Variants in LAMB1 observed in about 807,000 individuals in gnomAD.
The protein encoded by LAMB1 is laminin subunit beta-1.
Under a neutral mutation model 222.3 loss-of-function variants are expected in LAMB1, and 121 were observed. That is an observed-to-expected ratio of 0.54 (90% CI 0.47 to 0.63). The LOEUF is 0.63. Ranked by LOEUF, LAMB1 falls within the 30% of genes least tolerant of loss-of-function variation. The pLI is 0.00. For synonymous variants in LAMB1, 794 were observed against 807.2 expected (o/e 0.98, Z 0.28); for missense variants, 2,172 against 2,240.8 (o/e 0.97, Z 0.62).
At chr7:107,986,592 TAAGTA>T (rs2034083011) in intron 5 of LAMB1, among the ~76,000 whole-genome samples, 1 of 152,216 alleles carries the variant, frequency 6.6e-6, no homozygotes, top group Non-Finnish European at 1.5e-5. Flanking sequence ...CCCTACTGGA[TAAGTA>T]AACTGTTTCT....
rs1281617634 is a variant in LAMB1, at chr7:107,952,215, A to G, written c.3088T>C (p.Cys1030Arg). 1 of 1,598,602 alleles carries G rather than the reference A, an allele frequency of 6.3e-7. No individual in the cohort carries two copies. The change falls in exon 23 of 34, where the codon TGT becomes CGT. Residue 1030 changes from cysteine (C) to arginine (R), a missense_variant. By Grantham distance (180) the Cys-to-Arg change is radical. Coordinates refer to ENST00000222399, the MANE Select transcript of LAMB1 (RefSeq NM_002291.3). ...ALQQDCRKCV[C>R]NYLGTVQEHC... ...TCTTGCACGGTGCCCAGGTAATTAC[A>G]GACACACTCTGCAAAAGAACATCAC...
chr7:107,968,735 C>T (rs374884217), intron 13 of LAMB1, among the ~76,000 whole-genome samples: 2 of 152,154 alleles, frequency 1.3e-5, no homozygotes, highest in East Asian at 3.8e-4. Context: ...CCTCAGCCTA[C>T]GACTGCAAGG....
In LAMB1 at chr7:107,965,562, A is replaced by G. The variant is rs559351276; in HGVS notation, c.1563-875T>C. ...CCATTGCACTCCAGCCTGGGCAACA[A>G]GAGTGAAACTTCTGTTCTCAGCTTA... is the stretch of plus-strand genomic sequence containing the variant. On this transcript the variant is annotated intron_variant, in intron 13 of 33. Coordinates refer to ENST00000222399, the MANE Select transcript of LAMB1 (RefSeq NM_002291.3). Among the ~76,000 whole-genome samples the G allele has an allele frequency of 5.3e-5, 8 of 151,250 alleles. No individual in the cohort carries two copies. In the South Asian group the frequency reaches 1.7e-3, roughly 32 times the overall value.
chr7:107,995,833 C>T (rs12705438), intron 4 of LAMB1, among the ~76,000 whole-genome samples: 9 of 151,892 alleles, frequency 5.9e-5, no homozygotes, highest in Non-Finnish European at 1.3e-4. Flanking sequence ...GTCTTAAATG[C>T]GGAAAGACAG....
chr7:107,931,612 A>G (rs769939114), intron 28 of LAMB1, 112 bp from the exon 29 acceptor site: 5 of 1,016,106 alleles, frequency 4.9e-6, no homozygotes, highest in Non-Finnish European at 7.4e-6. Context: ...TTGGAATCAT[A>G]TGTCTGGGAA....
chr7:107,993,442 T>C (rs2034223833), intron 5 of LAMB1, among the ~76,000 whole-genome samples: 1 of 152,164 alleles, frequency 6.6e-6, no homozygotes, highest in Admixed American at 6.5e-5. Context: ...CCCCAACTTG[T>C]AGCCATTCTG....
At position 108,003,151 on chromosome 7, in the gene LAMB1, G is replaced by T. The variant is rs560457984; in HGVS notation, c.-127C>A. 2.7e-5 allele frequency: 16 copies of T among 597,810 alleles called. No individual in the cohort carries two copies. The highest frequency in any genetic ancestry group is 2.6e-4 in the African/African-American group (14 of 52,904). The allele number at this position is 597,810 out of a possible 1,614,324, so 37.0% of individuals were successfully genotyped here. A position where few individuals can be genotyped will look rare whatever the true frequency, so the allele number is the denominator to read the frequency against. ...CTCGCCCTGCTCCGGGAGCCCCCGA[G>T]CCCAAAGAAGGGAATTAGAAAGTTT... On this transcript the variant is annotated 5_prime_UTR_variant, in exon 1 of 34. Coordinates refer to ENST00000222399, the MANE Select transcript of LAMB1 (RefSeq NM_002291.3).
At chr7:107,926,558 C>T (rs2032572178) in intron 31 of LAMB1, among the ~76,000 whole-genome samples, 199 bp from the exon 32 acceptor site, 1 of 152,104 alleles carries the variant, frequency 6.6e-6, no homozygotes, top group Non-Finnish European at 1.5e-5. Flanking sequence ...ATATTCACTT[C>T]ATTCTTTCAG....
intron 7 of LAMB1, among the ~76,000 whole-genome samples, chr7:107,981,549 A>C (rs2033974799): frequency 6.6e-6 from 1 of 152,120 alleles, no homozygotes; most frequent in South Asian, 2.1e-4. Flanking sequence ...AACAAAAAAG[A>C]GTAGCTATTC....
chr7:107,971,845 T>C (rs1446074522), intron 13 of LAMB1, among the ~76,000 whole-genome samples: 1 of 152,216 alleles, frequency 6.6e-6, no homozygotes, highest in Non-Finnish European at 1.5e-5. Context: ...TTAAGAATCA[T>C]AGGACATTCC....
intron 13 of LAMB1, among the ~76,000 whole-genome samples, chr7:107,969,709 C>G (rs993232837): frequency 6.6e-6 from 1 of 152,156 alleles, no homozygotes; most frequent in Non-Finnish European, 1.5e-5. Flanking sequence ...TAGAGTATAG[C>G]CTATTGCTCC....
chr7:107,934,372 G>C (rs1337369598), intron 27 of LAMB1, among the ~76,000 whole-genome samples: 4 of 152,150 alleles, frequency 2.6e-5, no homozygotes, highest in African/African-American at 9.7e-5. Context: ...CTTTCTCTGT[G>C]TCTCTGGGCT....
At position 107,931,239 on chromosome 7, in the gene LAMB1, G is replaced by A. The variant is rs564095867; in HGVS notation, c.4537+117C>T. ...AAGTGGAAACATTTAATATACGGAC[G>A]TTTTTCTTATTTGGAAATGTCACTT... is the stretch of plus-strand genomic sequence containing the variant. On this transcript the variant is annotated intron_variant, in intron 29 of 33. Transcript: ENST00000222399. 5 of 863,386 alleles carry A rather than the reference G, an allele frequency of 5.8e-6. No homozygotes were observed. In the African/African-American group the frequency reaches 6.8e-5, roughly 12 times the overall value. 53.5% of individuals were successfully genotyped at this position (863,386 alleles called of 1,614,324 possible).
rs2116320913 is a variant in LAMB1, at chr7:107,929,674, C to A, written c.4538-55G>T. On this transcript the variant is annotated intron_variant, in intron 29 of 33. Coordinates refer to ENST00000222399, the MANE Select transcript of LAMB1 (RefSeq NM_002291.3). ...AGGTGAAAAGAATAGATGGTTCATT[C>A]ATTCAACCACTTACTGGTCATCTAC... The A allele has an allele frequency of 4.3e-6, 6 of 1,399,768 alleles. No individual in the cohort carries two copies. In the South Asian group the frequency reaches 7.0e-5, roughly 16 times the overall value. 86.7% of individuals were successfully genotyped at this position (1,399,768 alleles called of 1,614,324 possible). A position where few individuals can be genotyped will look rare whatever the true frequency, so the allele number is the denominator to read the frequency against.
intron 32 of LAMB1, among the ~76,000 whole-genome samples, chr7:107,925,299 A>G (rs533816491): frequency 6.6e-6 from 1 of 152,292 alleles, no homozygotes; most frequent in South Asian, 2.1e-4. Flanking sequence ...TGGGCAGGCA[A>G]GTATTATTGC....
intron 3 of LAMB1, among the ~76,000 whole-genome samples, chr7:107,999,146 C>T (rs74766973): frequency 1.3e-5 from 2 of 152,198 alleles, no homozygotes; most frequent in Non-Finnish European, 2.9e-5. Flanking sequence ...GTTCAAAGAA[C>T]CCCAACATGG....
Position 107,924,155 on chromosome 7 carries a change from TATATTTTTCACTTTTAA to T in LAMB1, c.5224+58_5225-69del. 3 of 1,527,682 alleles carry T rather than the reference TATATTTTTCACTTTTAA, an allele frequency of 2.0e-6. No homozygotes were observed. In the South Asian group the frequency reaches 3.9e-5, roughly 20 times the overall value. The allele number at this position is 1,527,682 out of a possible 1,614,324, so 94.6% of individuals were successfully genotyped here. On this transcript the variant is annotated intron_variant, in intron 33 of 33. Transcript: ENST00000222399. ...TATGATGATCTCAAGACAAAGTGAA[TATATTTTTCACTTTTAA>T]ATAAACTATGGATGCCTTAAAGTAA...
chr7:107,957,415 C>T (rs2033400638), intron 20 of LAMB1, among the ~76,000 whole-genome samples: 1 of 151,320 alleles, frequency 6.6e-6, no homozygotes, highest in African/African-American at 2.4e-5. Context: ...ACAACAACAA[C>T]AAAAAGCCTG....
At chr7:107,960,743 T>C in intron 17 of LAMB1, 94 bp from the exon 18 acceptor site, 5 of 968,162 alleles carry the variant, frequency 5.2e-6, no homozygotes, top group Non-Finnish European at 6.5e-6. Context: ...AAATGCTTCT[T>C]TGACCCTTGA....
Sources: allele counts gnomAD v4.1 joint callset (sites outside exome capture counted in the v4.1 genomes callset), GRCh38; gene constraint gnomAD v4.1.1; transcripts MANE v1.5; gene names NCBI Gene and HGNC (gene_info 2026-07-23, HGNC 2026-07-21).